ATG13: variants seen among roughly 807,000 people sequenced by gnomAD.
The protein encoded by ATG13 is autophagy-related protein 13.
In ATG13, 23 loss-of-function variants were observed where a neutral mutation model predicts 65.5. The ratio of observed to expected loss-of-function variants is 0.35; its 90% CI spans 0.25 to 0.50. The LOEUF is 0.50. ATG13 is among the 20% of genes least tolerant of loss of function. ATG13 has a pLI of 0.98. For synonymous variants in ATG13, 252 were observed against 245.2 expected, an observed-to-expected ratio of 1.03 and a Z score of -0.26; for missense variants, 566 against 677.0, an observed-to-expected ratio of 0.84 and a Z score of 1.82.
intron 2 of ATG13, among the ~76,000 whole-genome samples, chr11:46,633,504 C>T (rs889675436): frequency 2.0e-5 from 3 of 151,772 alleles, no homozygotes; most frequent in South Asian, 2.1e-4. Flanking sequence ...CCCGCCACCA[C>T]GCCCAGCTAA....
intron 2 of ATG13, among the ~76,000 whole-genome samples, chr11:46,641,522 T>C (rs1386327738): frequency 6.6e-6 from 1 of 152,220 alleles, no homozygotes; most frequent in Non-Finnish European, 1.5e-5. Flanking sequence ...GTTAGTATTA[T>C]TGATTATATT....
At chr11:46,635,976 T>G (rs993792775) in intron 2 of ATG13, among the ~76,000 whole-genome samples, 2 of 152,156 alleles carry the variant, frequency 1.3e-5, no homozygotes, top group African/African-American at 4.8e-5. Context: ...GACAGGGCCT[T>G]GCTCTGTCAC....
chr11:46,664,170 G>A lies in ATG13; in HGVS notation c.888+75G>A, dbSNP rs2061783553. 1.2e-5 allele frequency: 14 copies of A among 1,156,272 alleles called. No homozygotes were observed. The South Asian group carries it at 1.9e-4, about 16-fold the overall frequency. 71.6% of individuals were successfully genotyped at this position (1,156,272 alleles called of 1,614,324 possible). On this transcript the variant is annotated intron_variant, in intron 12 of 18. Coordinates refer to ENST00000683050, the MANE Select transcript of ATG13 (RefSeq NM_001346311.2). ...TTTAAAAATTGTAAATAAATTATAA[G>A]GTACAGTTATTTAAATGTCCCAAGT...
In ATG13 at chr11:46,617,631, G is replaced by A. The variant is rs556773501; in HGVS notation, c.-329G>A. On this transcript the variant is annotated 5_prime_UTR_variant, in exon 1 of 19. Coordinates refer to ENST00000683050, the MANE Select transcript of ATG13 (RefSeq NM_001346311.2). ...CGACCGGCTGCTGGGCTTAAGGCGG[G>A]AGTGACCGCTTAACCAGTGAGGGAA... The A allele has an allele frequency of 6.4e-5, 25 of 387,910 alleles. No homozygotes were observed. In the South Asian group the frequency reaches 2.0e-3, roughly 32 times the overall value. The allele number at this position is 387,910 out of a possible 1,614,324, so 24.0% of individuals were successfully genotyped here.
chr11:46,665,797 CTTTTTT>C (rs1159523560), intron 14 of ATG13, among the ~76,000 whole-genome samples: 16 of 87,762 alleles, frequency 1.8e-4, no homozygotes, highest in Admixed American at 5.9e-4. Context: ...TTTATTTTTC[CTTTTTT>C]TTTTTTTTTT....
intron 2 of ATG13, among the ~76,000 whole-genome samples, chr11:46,642,798 C>T (rs1217286305): frequency 6.6e-6 from 1 of 152,176 alleles, no homozygotes. Flanking sequence ...TGTGTCACTT[C>T]CTCTCGTCAA....
At chr11:46,657,658 G>C (rs752152425) in intron 10 of ATG13, 36 bp downstream of exon 10, 1 of 1,520,322 alleles carries the variant, frequency 6.6e-7, no homozygotes, top group East Asian at 2.3e-5. Flanking sequence ...CCAAACTGCA[G>C]CTGGGCAGAA....
At chr11:46,637,782 G>A (rs2054498710) in intron 2 of ATG13, among the ~76,000 whole-genome samples, 1 of 152,118 alleles carries the variant, frequency 6.6e-6, no homozygotes, top group East Asian at 1.9e-4. Context: ...TTATAGTGGG[G>A]GAAAAAGGGA....
intron 8 of ATG13, 41 bp from the exon 9 acceptor site, chr11:46,657,054 A>G: frequency 6.6e-7 from 1 of 1,519,510 alleles, no homozygotes; most frequent in Non-Finnish European, 9.1e-7. Flanking sequence ...CAGTGTCAGT[A>G]TTCTCTGCAA....
chr11:46,664,940 A>G lies in ATG13; in HGVS notation c.980A>G (p.Asn327Ser), dbSNP rs1342796611. Residue 327 changes from asparagine (N) to serine (S), a missense_variant, in exon 13 of 19, where the codon AAT becomes AGT. Asn to Ser is a conservative substitution (Grantham distance 46, BLOSUM62 1). Transcript: ENST00000683050. ...AYPVVFAAGLNATHPHQLMVP... is the reference protein window; with the variant it reads ...AYPVVFAAGLSATHPHQLMVP... The stretch of plus-strand genomic sequence containing the variant: ...CCAGTAGTGTTTGCTGCTGGCTTAA[A>G]TGCTACACACCCTCACCAGGTATCT... 3 of 1,613,758 alleles carry G rather than the reference A, an allele frequency of 1.9e-6. No homozygotes were observed. Among genetic ancestry groups the G allele is most frequent in the Admixed American group, 1.7e-5 (1 of 60,002 alleles).
At chr11:46,644,233 C>G in intron 2 of ATG13, 46 bp from the exon 3 acceptor site, 1 of 1,383,928 alleles carries the variant, frequency 7.2e-7, no homozygotes, top group Non-Finnish European at 1.0e-6. Flanking sequence ...TGTATCAATG[C>G]CTTTTTAAAG....
In ATG13 at chr11:46,645,856, C is replaced by G. The variant is rs747842964; in HGVS notation, c.151-14C>G. ...CTGTGAGTGTTTCATGCAAAAGTCC[C>G]TTTTGTTTTCCAGTTCAACTTAGCA... On this transcript the variant is annotated splice_polypyrimidine_tract_variant and intron_variant, in intron 4 of 18. Transcript: ENST00000683050. The G allele has an allele frequency of 1.9e-6, 3 of 1,613,856 alleles. No individual in the cohort carries two copies. The highest frequency in any genetic ancestry group is 1.7e-6 in the Non-Finnish European group (2 of 1,179,874).
chr11:46,649,068 T>C, intron 5 of ATG13, 69 bp from the exon 6 acceptor site: 1 of 1,368,176 alleles, frequency 7.3e-7, no homozygotes, highest in Non-Finnish European at 1.0e-6. Context: ...TTAATATTTT[T>C]ATAGTGACTG....
intron 2 of ATG13, among the ~76,000 whole-genome samples, chr11:46,633,832 A>G (rs957681174): frequency 1.3e-5 from 2 of 152,174 alleles, no homozygotes; most frequent in Non-Finnish European, 2.9e-5. Flanking sequence ...TTTATATGCT[A>G]TATAAACAGT....
intron 2 of ATG13, among the ~76,000 whole-genome samples, chr11:46,642,738 G>A (rs140975240): frequency 3.9e-5 from 6 of 152,214 alleles, no homozygotes; most frequent in South Asian, 4.1e-4. Flanking sequence ...CATTATGCCC[G>A]TAAAGCTATC....
intron 2 of ATG13, chr11:46,630,765 A>G (rs1233524543): frequency 2.6e-5 from 4 of 151,848 alleles, no homozygotes; most frequent in Non-Finnish European, 4.4e-5. Context: ...ACAAGGTGTC[A>G]CTATGTTCCC....
intron 6 of ATG13, among the ~76,000 whole-genome samples, 154 bp from the exon 7 acceptor site, chr11:46,650,023 G>C (rs936007043): frequency 6.6e-6 from 1 of 152,184 alleles, no homozygotes; most frequent in African/African-American, 2.4e-5. Context: ...TCTAGTACAT[G>C]AGAAAGTAAA....
chr11:46,645,210 A>G, intron 3 of ATG13, 129 bp from the exon 4 acceptor site: 1 of 679,564 alleles, frequency 1.5e-6, no homozygotes, highest in Non-Finnish European at 2.4e-6. Flanking sequence ...CTGTTTCCCA[A>G]AGTATACTTA....
chr11:46,665,447 A>G lies in ATG13; in HGVS notation c.1064A>G (p.Gln355Arg). ...CCCAACCAGCCTGTCCATGGTACCC[A>G]GGCTGACCAGGAGAGACTGGCAACC... ...LAPNQPVHGTQADQERLATCT... is the reference protein window; with the variant it reads ...LAPNQPVHGTRADQERLATCT... The change falls in exon 14 of 19, where the codon CAG (glutamine) becomes CGG (arginine). Residue 355 changes from glutamine to arginine, a missense_variant. Gln to Arg is a conservative substitution (Grantham distance 43, BLOSUM62 1). This residue lies in a region of ATG13 where 387 missense variants were observed against 409.8 expected (regional missense o/e 0.94). Transcript: ENST00000683050. 6.2e-7 allele frequency: 1 copy of G among 1,614,210 alleles called. No individual in the cohort carries two copies. The highest frequency in any genetic ancestry group is 8.5e-7 in the Non-Finnish European group (1 of 1,180,028).
Sources: gnomAD v4.1 joint callset for allele counts (sites outside exome capture counted in the v4.1 genomes callset) on GRCh38, gnomAD v4.1.1 for gene constraint, gnomAD v4.1.1 regional missense constraint, MANE v1.5 for transcripts, NCBI Gene and HGNC (gene_info 2026-07-23, HGNC 2026-07-21) for gene names.